The following HERC2 variants were observed in gnomAD, a reference collection of about 807,000 sequenced individuals.
HERC2 encodes HECT and RLD domain containing E3 ubiquitin protein ligase 2.
A neutral mutation model predicts 537.7 loss-of-function variants in HERC2; 102 were observed. The ratio of observed to expected loss-of-function variants is 0.19; its 90% confidence interval spans 0.16 to 0.22. HERC2 has a LOEUF of 0.22. Among genes scored for constraint, HERC2 ranks in the 10% least tolerant of loss-of-function variants. HERC2 has a pLI of 1.00. For synonymous variants in HERC2, 2,224 were observed against 2,466.2 expected (o/e 0.90, Z 2.91); for missense variants, 4,236 against 6,198.2 (o/e 0.68, Z 10.63).
chr15:28,300,160 TA>T (rs1171132714), intron 2 of HERC2, among the ~76,000 whole-genome samples: 1 of 151,426 alleles, frequency 6.6e-6, no homozygotes, highest in Non-Finnish European at 1.5e-5. Flanking sequence ...AATGACTACC[TA>T]CGGGGAAATG....
chr15:28,223,542 G>A (rs1900754433), intron 35 of HERC2, among the ~76,000 whole-genome samples: 1 of 152,262 alleles, frequency 6.6e-6, no homozygotes, highest in South Asian at 2.1e-4. Context: ...CCCAAGGAAG[G>A]GACAGGAGTT....
chr15:28,299,883 C>G (rs1484351733), intron 2 of HERC2, among the ~76,000 whole-genome samples: 5 of 151,772 alleles, frequency 3.3e-5, no homozygotes, highest in Admixed American at 2.0e-4. Context: ...GAAACCCCGT[C>G]CCAACTAAAA....
chr15:28,272,758 C>T, intron 8 of HERC2, 136 bp downstream of exon 8: 1 of 612,792 alleles, frequency 1.6e-6, no homozygotes, highest in Non-Finnish European at 2.8e-6. Flanking sequence ...AGAGAGAGAG[C>T]CCTGGGACAT....
At chr15:28,266,034 GT>G in intron 12 of HERC2, 60 bp from the exon 13 acceptor site, 1 of 1,561,708 alleles carries the variant, frequency 6.4e-7, no homozygotes, top group Non-Finnish European at 8.8e-7. Flanking sequence ...TCTTATTAAT[GT>G]TAACAAAGGA....
chr15:28,306,265 G>GT (rs1412992604), intron 2 of HERC2, among the ~76,000 whole-genome samples: 1 of 152,176 alleles, frequency 6.6e-6, no homozygotes, highest in African/African-American at 2.4e-5. Context: ...TTTTTTGGGG[G>GT]TTTTTATCAT....
intron 48 of HERC2, among the ~76,000 whole-genome samples, chr15:28,199,194 T>C (rs934236869): frequency 3.3e-5 from 5 of 152,002 alleles, no homozygotes; most frequent in Non-Finnish European, 5.9e-5. Flanking sequence ...ATTCTAAGTA[T>C]TATTTAATGA....
intron 12 of HERC2, among the ~76,000 whole-genome samples, chr15:28,267,560 T>C (rs2075602159): frequency 6.6e-6 from 1 of 152,224 alleles, no homozygotes; most frequent in South Asian, 2.1e-4. Context: ...TGGAGATCAA[T>C]CTTTTCTTTT....
chr15:28,119,617 C>T (rs1888662760), intron 86 of HERC2, among the ~76,000 whole-genome samples: 1 of 151,778 alleles, frequency 6.6e-6, no homozygotes, highest in African/African-American at 2.4e-5. Context: ...CCACACAAGG[C>T]TAATTTTTGT....
At position 28,177,069 on chromosome 15, in the gene HERC2, C is replaced by T. The variant is rs1895357618; in HGVS notation, c.9313G>A (p.Ala3105Thr). Residue 3105 changes from alanine to threonine, a missense_variant, in exon 61 of 93, where the codon GCC (alanine) becomes ACC (threonine). Transcript: ENST00000261609. This position sits in a 1 kb window ranked among gnomAD's most constrained non-coding sequence, Gnocchi z 5.0. ...GCTGCGCTGTGCGAGCTCCCACAGG[C>T]GATATCCCGGATACGCTTGGTTTTC... ...ALKTKRIRDIACGSSHSAALT... is the reference protein window; with the variant it reads ...ALKTKRIRDITCGSSHSAALT... 6 of 1,614,006 alleles carry T rather than the reference C, an allele frequency of 3.7e-6. No individual in the cohort carries two copies. The highest frequency in any genetic ancestry group is 1.1e-5 in the South Asian group (1 of 91,078).
rs148052069 is a variant in HERC2, at chr15:28,246,911, T to C, written c.3236-14A>G. ...TTAGCTCTGGACCTTGAAGAAGGAT[T>C]GAGAAATTTTCATTTTCACTACTAA... On this transcript the variant is annotated splice_polypyrimidine_tract_variant and intron_variant, in intron 21 of 92. Transcript: ENST00000261609. 5.9e-4 allele frequency: 945 copies of C among 1,592,624 alleles called. No homozygotes were observed. The highest frequency in any genetic ancestry group is 1.3e-3 in the Admixed American group (71 of 53,748).
At chr15:28,165,784 A>G (rs1329059322) in intron 68 of HERC2, among the ~76,000 whole-genome samples, 1 of 152,202 alleles carries the variant, frequency 6.6e-6, no homozygotes, top group Non-Finnish European at 1.5e-5. Flanking sequence ...TGGGCAACAG[A>G]ACAAGACCCT....
In HERC2 at chr15:28,196,367, T is replaced by C. The variant is rs376504565; in HGVS notation, c.8121-13A>G. On this transcript the variant is annotated splice_polypyrimidine_tract_variant and intron_variant, in intron 51 of 92. Transcript: ENST00000261609. ...ACATCCATCACACCTATTTGTAAAA[T>C]AGCAACTGAGTTAAGAAAGGTCATT... 2.4e-4 allele frequency: 306 copies of C among 1,301,706 alleles called. No homozygotes were observed. Among genetic ancestry groups the C allele is most frequent in the Non-Finnish European group, 3.1e-4 (286 of 926,858 alleles). 80.6% of individuals were successfully genotyped at this position (1,301,706 alleles called of 1,614,324 possible).
intron 49 of HERC2, 25 bp downstream of exon 49, chr15:28,198,576 A>G: frequency 6.2e-7 from 1 of 1,609,708 alleles, no homozygotes; most frequent in Non-Finnish European, 8.5e-7. Context: ...AAAAAACAAA[A>G]GCACTGAACA....
intron 4 of HERC2, among the ~76,000 whole-genome samples, chr15:28,288,101 A>T (rs1330227353): frequency 6.6e-6 from 1 of 152,162 alleles, no homozygotes; most frequent in Non-Finnish European, 1.5e-5. Flanking sequence ...GCCAAAATTG[A>T]TACCCAGACA....
chr15:28,269,306 A>C lies in HERC2; in HGVS notation c.1388T>G (p.Phe463Cys), dbSNP rs777459178. The C allele has an allele frequency of 6.2e-7, 1 of 1,614,174 alleles. No homozygotes were observed. Among genetic ancestry groups the C allele is most frequent in the Non-Finnish European group, 8.5e-7 (1 of 1,180,020 alleles). The change falls in exon 11 of 93, where the codon TTC (phenylalanine) becomes TGC (cysteine). Residue 463 changes from phenylalanine (F) to cysteine (C), a missense_variant. By Grantham distance (205) the Phe-to-Cys change is radical. This residue lies in a region of HERC2 where 491 missense variants were observed against 559.3 expected (regional missense o/e 0.88). Transcript: ENST00000261609. The part of the protein sequence containing the change: ...VTQIACAEKR[F>C]LILSRNGRVY... Reference sequence around the variant, plus strand: ...GCGGCCATTGCGTGACAGAATCAGGAAACGCTTCTCTGCACAGGCAATCTG... The same window carrying C: ...GCGGCCATTGCGTGACAGAATCAGGCAACGCTTCTCTGCACAGGCAATCTG...
At chr15:28,284,220 A>G (rs912908273) in intron 4 of HERC2, among the ~76,000 whole-genome samples, 2 of 152,194 alleles carry the variant, frequency 1.3e-5, no homozygotes, top group African/African-American at 4.8e-5. Flanking sequence ...CATATTACCT[A>G]GAAAAGCCAC....
chr15:28,248,287 C>T (rs921695538), intron 21 of HERC2, among the ~76,000 whole-genome samples: 1 of 152,150 alleles, frequency 6.6e-6, no homozygotes, highest in African/African-American at 2.4e-5. Context: ...TCTGATAAAT[C>T]TTCTGTAAGA....
At chr15:28,245,666 C>CACACACATACATAA (rs1033499888) in intron 23 of HERC2, among the ~76,000 whole-genome samples, 1 of 151,424 alleles carries the variant, frequency 6.6e-6, no homozygotes, top group African/African-American at 2.4e-5. Flanking sequence ...TATATACACA[C>CACACACATACATAA]ACACACATAC....
chr15:28,140,866 A>C (rs950404140), intron 78 of HERC2, among the ~76,000 whole-genome samples: 1 of 152,096 alleles, frequency 6.6e-6, no homozygotes, highest in Non-Finnish European at 1.5e-5. Context: ...AATAGCAAAC[A>C]AGAAATACAT....
Sources: allele counts gnomAD v4.1 joint callset (sites outside exome capture counted in the v4.1 genomes callset), GRCh38; gene constraint gnomAD v4.1.1; regional missense constraint gnomAD v4.1.1; non-coding constraint Gnocchi (gnomAD v3.1); transcripts MANE v1.5; gene names NCBI Gene and HGNC (gene_info 2026-07-23, HGNC 2026-07-21).